TRIM6: variants seen among roughly 807,000 people sequenced by gnomAD.
The protein encoded by TRIM6 is tripartite motif-containing protein 6.
TRIM6 carries 43 observed loss-of-function variants against 51.2 expected under a neutral mutation model. That is an observed-to-expected ratio of 0.84 (90% confidence interval 0.66 to 1.08). TRIM6 has a LOEUF of 1.08. Among genes scored for constraint, TRIM6 ranks in the 50% least tolerant of loss-of-function variants. The probability of loss-of-function intolerance (pLI) is 0.00; values close to 1 mark genes in which losing one functional copy is unlikely to be tolerated. For missense variants in TRIM6, 669 were observed against 619.0 expected (o/e 1.08, Z -0.86); for synonymous variants, 215 against 232.4 (o/e 0.93, Z 0.68).
rs12272467 is a variant in TRIM6, at chr11:5,596,757, G to T, written c.-141G>T. ...TCTCGGAACGGAACGGAGCAGAGTCGTGCGTGGTTGAGTTTAGATAAAAGC... is the reference window on the plus strand; with the variant it reads ...TCTCGGAACGGAACGGAGCAGAGTCTTGCGTGGTTGAGTTTAGATAAAAGC... On this transcript the variant is annotated 5_prime_UTR_variant, in exon 1 of 8. Transcript: ENST00000380097. 6.2e-6 allele frequency: 8 copies of T among 1,294,402 alleles called. No individual in the cohort carries two copies. In the African/African-American group the frequency reaches 1.0e-4, roughly 17 times the overall value. 80.2% of individuals were successfully genotyped at this position (1,294,402 alleles called of 1,614,324 possible).
rs1404793119 is a variant in TRIM6 at position 5,611,884 on chromosome 11, G to C, written c.*542G>C. 1 of 152,346 alleles carries C rather than the reference G, an allele frequency of 6.6e-6. No individual in the cohort carries two copies. Among genetic ancestry groups the C allele is most frequent in the Non-Finnish European group, 1.5e-5 (1 of 68,180 alleles). The allele number at this position is 152,346 out of a possible 1,614,324, so 9.4% of individuals were successfully genotyped here. A position where few individuals can be genotyped will look rare whatever the true frequency, so the allele number is the denominator to read the frequency against. On this transcript the variant is annotated 3_prime_UTR_variant, in exon 8 of 8. Transcript: ENST00000380097. ...TATTTTGCCATTAAGCATAGTATTT[G>C]ATGCAGGTTTTTTTTGATTGATGCA...
chr11:5,611,336 C>T lies in TRIM6; in HGVS notation c.1545C>T (p.Ser515=). Residue 515 remains serine (S), a synonymous_variant, in exon 8 of 8, where the codon AGC becomes AGT. Transcript: ENST00000380097. ...TTCCTATGACCCTGCGTCGTCCAAGCTCTTGAATATTCTTCTGTTCCCACC... is the reference window on the plus strand; with the variant it reads ...TTCCTATGACCCTGCGTCGTCCAAGTTCTTGAATATTCTTCTGTTCCCACC... ...CVIPMTLRRP[S]S 6.2e-7 allele frequency: 1 copy of T among 1,611,708 alleles called. No individual in the cohort carries two copies.
At chr11:5,598,123 C>T (rs865825601) in intron 1 of TRIM6, among the ~76,000 whole-genome samples, 1 of 152,146 alleles carries the variant, frequency 6.6e-6, no homozygotes, top group Non-Finnish European at 1.5e-5. Context: ...AGGCTCTTCT[C>T]GTCTGCACTC....
chr11:5,602,614 G>A (rs1847939606), intron 1 of TRIM6, among the ~76,000 whole-genome samples: 1 of 151,750 alleles, frequency 6.6e-6, no homozygotes, highest in Non-Finnish European at 1.5e-5. Context: ...AGGCAGCAGT[G>A]TGTTTTAGGT....
Position 5,611,811 on chromosome 11 carries a change from CATCT to C in TRIM6, c.*470_*473del. 1 of 156,784 alleles carries C rather than the reference CATCT, an allele frequency of 6.4e-6. No homozygotes were observed. Among genetic ancestry groups the C allele is most frequent in the Non-Finnish European group, 1.4e-5 (1 of 70,468 alleles). 9.7% of individuals were successfully genotyped at this position (156,784 alleles called of 1,614,324 possible). On this transcript the variant is annotated 3_prime_UTR_variant, in exon 8 of 8. Coordinates refer to ENST00000380097, the MANE Select transcript of TRIM6 (RefSeq NM_001003818.3). Reference sequence around the variant, plus strand: ...GGATGCACCCAGTGGTGAGAGTAAGCATCTTTGACTGATGACAGGTCTTGAGGTG... The same window carrying C: ...GGATGCACCCAGTGGTGAGAGTAAGCTTGACTGATGACAGGTCTTGAGGTG...
chr11:5,608,135 T>C (rs576355927), intron 4 of TRIM6, among the ~76,000 whole-genome samples: 94 of 152,202 alleles, frequency 6.2e-4, no homozygotes, highest in Non-Finnish European at 1.1e-3. Flanking sequence ...CACACACATA[T>C]GCACACACAC....
chr11:5,602,886 G>A (rs1847954085), intron 1 of TRIM6, among the ~76,000 whole-genome samples: 3 of 152,046 alleles, frequency 2.0e-5, no homozygotes, highest in South Asian at 2.1e-4. Context: ...CCTGGGAGGC[G>A]GAGATTGCAG....
intron 7 of TRIM6, 62 bp downstream of exon 7, chr11:5,610,623 C>T: frequency 6.3e-7 from 1 of 1,586,604 alleles, no homozygotes; most frequent in South Asian, 1.2e-5. Flanking sequence ...CATGCCCTCC[C>T]CAGACATAGC....
At chr11:5,604,303 A>G (rs1442452806) in intron 2 of TRIM6, among the ~76,000 whole-genome samples, 1 of 152,158 alleles carries the variant, frequency 6.6e-6, no homozygotes, top group African/African-American at 2.4e-5. Context: ...CGTGAGCCAC[A>G]GGTGCTTTGT....
chr11:5,600,501 G>A (rs914196780), intron 1 of TRIM6, among the ~76,000 whole-genome samples: 1 of 152,058 alleles, frequency 6.6e-6, no homozygotes, highest in South Asian at 2.1e-4. Context: ...CCCCCAGCAG[G>A]GCCGCTAGGA....
At chr11:5,604,081 C>T (rs183150284) in intron 2 of TRIM6, among the ~76,000 whole-genome samples, 302 of 152,168 alleles carry the variant, frequency 2.0e-3, no homozygotes, top group Non-Finnish European at 3.5e-3. Context: ...CTGCAACCTC[C>T]GCCTCCCGGG....
chr11:5,609,275 G>A (rs1848419953), intron 5 of TRIM6, among the ~76,000 whole-genome samples: 1 of 152,146 alleles, frequency 6.6e-6, no homozygotes, highest in African/African-American at 2.4e-5. Flanking sequence ...CCGTTTGGAG[G>A]TGAGGACATC....
Position 5,603,344 on chromosome 11 carries a change from A to G in TRIM6, c.116A>G (p.Glu39Gly). Residue 39 changes from glutamate to glycine, a missense_variant, in exon 2 of 8, where the codon GAA (glutamate) becomes GGA (glycine). By Grantham distance (98) the Glu-to-Gly change is moderately conservative (BLOSUM62 -2). Transcript: ENST00000380097. The stretch of plus-strand genomic sequence containing the variant: ...TCACCAGTACTGGTGGACATACGAG[A>G]AGAGGTGACCTGCCCTATCTGCCTG... Reference protein sequence around the residue: ...MTSPVLVDIREEVTCPICLEL... With the variant: ...MTSPVLVDIRGEVTCPICLEL... 6.2e-7 allele frequency: 1 copy of G among 1,613,876 alleles called. No individual in the cohort carries two copies.
chr11:5,608,847 ATTTTTTT>A (rs370630648), intron 5 of TRIM6, among the ~76,000 whole-genome samples: 8 of 101,892 alleles, frequency 7.9e-5, no homozygotes, highest in African/African-American at 2.1e-4. Flanking sequence ...TTGCCCATAA[ATTTTTTT>A]TTTTTTTTTT....
Position 5,604,908 on chromosome 11 carries a change from T to A in TRIM6, c.603+279T>A, listed in dbSNP as rs534947542. ...TCTGGGTCTTGCTCTACAGTTTCAG[T>A]CTCTTTGGCTTTTCCCTTGCATTCA... On this transcript the variant is annotated intron_variant, in intron 3 of 7. Coordinates refer to ENST00000380097, the MANE Select transcript of TRIM6 (RefSeq NM_001003818.3). 7.0e-5 allele frequency: 31 copies of A among 441,474 alleles called. No homozygotes were observed. In the East Asian group the frequency reaches 1.3e-3, roughly 18 times the overall value. The allele number at this position is 441,474 out of a possible 1,614,324, so 27.3% of individuals were successfully genotyped here. A position where few individuals can be genotyped will look rare whatever the true frequency, so the allele number is the denominator to read the frequency against.
chr11:5,610,771 C>T lies in TRIM6; in HGVS notation c.986-6C>T, dbSNP rs1306443624. ...TCATCTGCTGATGTTGTACCTTTTC[C>T]TACAGTTGACGTGACCCTGAATCCA... is the stretch of plus-strand genomic sequence containing the variant. On this transcript the variant is annotated splice_polypyrimidine_tract_variant and splice_region_variant and intron_variant, in intron 7 of 7. Coordinates refer to ENST00000380097, the MANE Select transcript of TRIM6 (RefSeq NM_001003818.3). The T allele has an allele frequency of 6.2e-7, 1 of 1,613,432 alleles. No individual in the cohort carries two copies. Among genetic ancestry groups the T allele is most frequent in the Non-Finnish European group, 8.5e-7 (1 of 1,179,610 alleles).
At chr11:5,599,055 C>T (rs59650010) in intron 1 of TRIM6, among the ~76,000 whole-genome samples, 6,917 of 152,266 alleles carry the variant, frequency 0.045, 170 homozygotes, top group South Asian at 0.097. Flanking sequence ...TAAATAGCAT[C>T]ATACAATAAC....
Position 5,603,397 on chromosome 11 carries a change from G to T in TRIM6, c.169G>T (p.Asp57Tyr). 6.2e-7 allele frequency: 1 copy of T among 1,614,094 alleles called. No individual in the cohort carries two copies. The highest frequency in any genetic ancestry group is 8.5e-7 in the Non-Finnish European group (1 of 1,180,024). Residue 57 changes from aspartate (D) to tyrosine (Y), a missense_variant, in exon 2 of 8, where the codon GAC (aspartate) becomes TAC (tyrosine). Transcript: ENST00000380097. ...LELLTEPLSI[D>Y]CGHSFCQACI... Reference sequence around the variant, plus strand: ...GCTCCTAACAGAACCCCTGAGCATAGACTGTGGCCACAGCTTCTGCCAAGC... The same window carrying T: ...GCTCCTAACAGAACCCCTGAGCATATACTGTGGCCACAGCTTCTGCCAAGC...
intron 2 of TRIM6, 86 bp downstream of exon 2, chr11:5,603,821 T>G: frequency 6.6e-7 from 1 of 1,512,460 alleles, no homozygotes; most frequent in Non-Finnish European, 8.8e-7. Flanking sequence ...CTAATCTCTT[T>G]GTAGTCTTTA....
Sources: allele counts gnomAD v4.1 joint callset (sites outside exome capture counted in the v4.1 genomes callset), GRCh38; gene constraint gnomAD v4.1.1; transcripts MANE v1.5; gene names NCBI Gene and HGNC (gene_info 2026-07-23, HGNC 2026-07-21).